Variants in UPP2 observed in about 807,000 individuals in gnomAD.
UPP2 encodes UPase 2.
In UPP2, 23 loss-of-function variants were observed where a neutral mutation model predicts 26.7. The ratio of observed to expected loss-of-function variants is 0.86; its 90% CI spans 0.62 to 1.22. The LOEUF is 1.22. Among genes scored for constraint, UPP2 ranks in the 50% most tolerant of loss-of-function variants. The pLI is 0.00. For synonymous variants in UPP2, 127 were observed against 141.3 expected, an observed-to-expected ratio of 0.90 and a Z score of 0.72; for missense variants, 387 against 396.7, an observed-to-expected ratio of 0.98 and a Z score of 0.21.
At chr2:158,019,696 C>CAG (rs1185742691) in intron 3 of UPP2, among the ~76,000 whole-genome samples, 7 of 145,192 alleles carry the variant, frequency 4.8e-5, no homozygotes, top group African/African-American at 1.8e-4. Flanking sequence ...ACAAGAAAGA[C>CAG]AGAGAGAGAG....
At chr2:158,023,926 T>C (rs1203140904) in intron 3 of UPP2, among the ~76,000 whole-genome samples, 1 of 152,146 alleles carries the variant, frequency 6.6e-6, no homozygotes, top group African/African-American at 2.4e-5. Context: ...CTGGATCCCC[T>C]CCCTCCCAGG....
chr2:158,117,130 T>C (rs1367183528), intron 3 of UPP2, among the ~76,000 whole-genome samples: 1 of 152,038 alleles, frequency 6.6e-6, no homozygotes, highest in Non-Finnish European at 1.5e-5. Flanking sequence ...GGAGGATGTT[T>C]CTGGAGAGTT....
chr2:157,999,963 G>C (rs186705504), intron 2 of UPP2, among the ~76,000 whole-genome samples: 50 of 152,172 alleles, frequency 3.3e-4, no homozygotes, highest in African/African-American at 1.1e-3. Context: ...GAAGGAGAGA[G>C]AGAGGGAGAA....
chr2:158,024,635 G>A (rs750524692), intron 3 of UPP2, among the ~76,000 whole-genome samples: 10 of 152,136 alleles, frequency 6.6e-5, no homozygotes, highest in Admixed American at 1.3e-4. Flanking sequence ...CTTCACAGGA[G>A]AGCCTTCAAA....
intron 3 of UPP2, among the ~76,000 whole-genome samples, chr2:158,072,895 T>C (rs1389827099): frequency 6.6e-6 from 1 of 152,092 alleles, no homozygotes; most frequent in Non-Finnish European, 1.5e-5. Flanking sequence ...TAGACTACAA[T>C]GAGTACCTAA....
chr2:158,058,431 G>GTGTGTGTGTGTGTA (rs1558917386), intron 3 of UPP2, among the ~76,000 whole-genome samples: 25 of 150,246 alleles, frequency 1.7e-4, no homozygotes, highest in African/African-American at 5.7e-4. Flanking sequence ...GTGTGTGTGT[G>GTGTGTGTGTGTGTA]TGTGTGTGTG....
intron 2 of UPP2, among the ~76,000 whole-genome samples, chr2:158,000,455 G>A (rs1683387766): frequency 6.6e-6 from 1 of 152,230 alleles, no homozygotes; most frequent in South Asian, 2.1e-4. Context: ...GAGACTGGCT[G>A]CAGTAGCAAA....
intron 3 of UPP2, among the ~76,000 whole-genome samples, chr2:158,059,065 A>G (rs1682309111): frequency 6.6e-6 from 1 of 152,232 alleles, no homozygotes. Context: ...GTTATTAGCT[A>G]AGCTACTGAT....
chr2:158,029,978 T>C (rs1186404499), intron 3 of UPP2, among the ~76,000 whole-genome samples: 1 of 152,186 alleles, frequency 6.6e-6, no homozygotes, highest in Non-Finnish European at 1.5e-5. Flanking sequence ...CTTTCAAATT[T>C]GGGTTTTGAA....
chr2:158,050,171 G>A (rs1481185960), intron 3 of UPP2, among the ~76,000 whole-genome samples: 2 of 152,216 alleles, frequency 1.3e-5, no homozygotes, highest in African/African-American at 4.8e-5. Context: ...AGAGTTTCAT[G>A]AGAAATAAAC....
At chr2:158,029,704 G>C (rs1475964813) in intron 3 of UPP2, among the ~76,000 whole-genome samples, 2 of 151,982 alleles carry the variant, frequency 1.3e-5, no homozygotes, top group Non-Finnish European at 2.9e-5. Context: ...CACAAAGGGA[G>C]GGAGACATAG....
At chr2:158,107,213 T>A (rs1683214310) in intron 2 of UPP2, among the ~76,000 whole-genome samples, 1 of 152,256 alleles carries the variant, frequency 6.6e-6, no homozygotes, top group African/African-American at 2.4e-5. Flanking sequence ...AAAGACTGTA[T>A]CTATTTACAG....
intron 1 of UPP2, among the ~76,000 whole-genome samples, chr2:158,105,412 G>C (rs1247910703): frequency 6.6e-6 from 1 of 152,118 alleles, no homozygotes; most frequent in Non-Finnish European, 1.5e-5. Context: ...GGTTGGTGGA[G>C]TCCTCAATGG....
intron 3 of UPP2, among the ~76,000 whole-genome samples, chr2:158,043,749 G>C (rs1270980968): frequency 6.6e-6 from 1 of 152,144 alleles, no homozygotes; most frequent in Non-Finnish European, 1.5e-5. Flanking sequence ...CATCTGGTTG[G>C]GGAGATAAGA....
chr2:158,101,839 G>A (rs1173333461), upstream of UPP2: 1 of 1,322,800 alleles, frequency 7.6e-7, no homozygotes, highest in South Asian at 2.0e-5. Flanking sequence ...CTGGGCTGTG[G>A]TATAAAAGTC....
chr2:158,120,099 T>A (rs992071224), intron 4 of UPP2, among the ~76,000 whole-genome samples: 11 of 151,976 alleles, frequency 7.2e-5, no homozygotes, highest in African/African-American at 2.4e-4. Flanking sequence ...GGGTCTCTAG[T>A]TGGATCTTCT....
At chr2:158,020,392 G>A (rs1683730794) in intron 3 of UPP2, among the ~76,000 whole-genome samples, 1 of 152,214 alleles carries the variant, frequency 6.6e-6, no homozygotes, top group South Asian at 2.1e-4. Context: ...GCACTATGCA[G>A]GACAAGTGCG....
chr2:158,099,302 G>C (rs953108982), upstream of UPP2, among the ~76,000 whole-genome samples: 4 of 152,162 alleles, frequency 2.6e-5, no homozygotes, highest in African/African-American at 7.2e-5. Flanking sequence ...AGAATGGATA[G>C]CTTAGGACAT....
chr2:158,032,605 A>C (rs1683939781), intron 3 of UPP2, among the ~76,000 whole-genome samples: 1 of 152,100 alleles, frequency 6.6e-6, no homozygotes, highest in Admixed American at 6.5e-5. Context: ...GCTGGGACTG[A>C]GATCACTGGA....
Sources: gnomAD v4.1 joint callset for allele counts (sites outside exome capture counted in the v4.1 genomes callset) on GRCh38, gnomAD v4.1.1 for gene constraint, MANE v1.5 for transcripts, NCBI Gene and HGNC (gene_info 2026-07-23, HGNC 2026-07-21) for gene names.